The following RBMS1 variants were observed in gnomAD, a reference collection of about 807,000 sequenced individuals.
RBMS1 encodes RNA-binding motif, single-stranded-interacting protein 1.
In RBMS1, 17 loss-of-function variants were observed where a neutral mutation model predicts 62.3. That is an observed-to-expected ratio of 0.27 (90% CI 0.19 to 0.41). RBMS1 has a LOEUF of 0.41. RBMS1 is among the 10% of genes least tolerant of loss of function. The pLI is 1.00. For missense variants in RBMS1, 334 were observed against 504.5 expected, an observed-to-expected ratio of 0.66 and a Z score of 3.24; for synonymous variants, 172 against 170.0, an observed-to-expected ratio of 1.01 and a Z score of -0.09.
At chr2:160,416,722 T>A (rs1696226685) in intron 1 of RBMS1, among the ~76,000 whole-genome samples, 1 of 152,140 alleles carries the variant, frequency 6.6e-6, no homozygotes, top group Non-Finnish European at 1.5e-5. Context: ...TAAGGGCCGG[T>A]CCTTGTAATT....
intron 7 of RBMS1, among the ~76,000 whole-genome samples, chr2:160,286,325 G>GT (rs1204094882): frequency 0.028 from 3,611 of 128,714 alleles, 177 homozygotes; most frequent in African/African-American, 0.09. Flanking sequence ...TTTTTATTTT[G>GT]TTTTTTTTTT....
At chr2:160,416,888 C>T (rs1158184279) in intron 1 of RBMS1, among the ~76,000 whole-genome samples, 1 of 152,112 alleles carries the variant, frequency 6.6e-6, no homozygotes, top group Non-Finnish European at 1.5e-5. Context: ...AATCTGAAAC[C>T]ATCCATCATA....
chr2:160,278,537 T>C lies in RBMS1; in HGVS notation c.1062+11A>G. 6.2e-7 allele frequency: 1 copy of C among 1,600,870 alleles called. No homozygotes were observed. Among genetic ancestry groups the C allele is most frequent in the Non-Finnish European group, 8.6e-7 (1 of 1,168,940 alleles). ...GTTTACAGAGACACATGATAATTATTTGCCACCTACTGTTCCGGTGCTGCC... is the reference window on the plus strand; with the variant it reads ...GTTTACAGAGACACATGATAATTATCTGCCACCTACTGTTCCGGTGCTGCC... On this transcript the variant is annotated intron_variant, in intron 11 of 13. Transcript: ENST00000348849.
intron 1 of RBMS1, among the ~76,000 whole-genome samples, chr2:160,444,497 T>C (rs1683556449): frequency 6.6e-6 from 1 of 152,230 alleles, no homozygotes; most frequent in Admixed American, 6.5e-5. Flanking sequence ...TTCAACATGA[T>C]AAAGCTGTGA....
rs1338551702 is a variant in RBMS1 at position 160,493,524 on chromosome 2, C to CTCCTCCTCCTCCTCCTCT, written c.-179_-162dup. The stretch of plus-strand genomic sequence containing the variant: ...CACCTCCCAGCCGGGACCAGACGTC[C>CTCCTCCTCCTCCTCCTCT]TCCTCCTCCTCCTCCTCTTCCTCCT... On this transcript the variant is annotated 5_prime_UTR_variant, in exon 1 of 14. Coordinates refer to ENST00000348849, the MANE Select transcript of RBMS1 (RefSeq NM_016836.4). The CTCCTCCTCCTCCTCCTCT allele has an allele frequency of 5.4e-5, 28 of 515,220 alleles. No homozygotes were observed. The highest frequency in any genetic ancestry group is 6.3e-5 in the African/African-American group (3 of 47,652). 31.9% of individuals were successfully genotyped at this position (515,220 alleles called of 1,614,324 possible).
intron 1 of RBMS1, among the ~76,000 whole-genome samples, chr2:160,386,466 G>A (rs1037410166): frequency 1.3e-5 from 2 of 152,000 alleles, no homozygotes; most frequent in Admixed American, 1.3e-4. Context: ...AACCCAGGAG[G>A]CGGAGGTTGC....
chr2:160,274,995 G>C (rs1687755199), intron 13 of RBMS1, among the ~76,000 whole-genome samples: 1 of 152,038 alleles, frequency 6.6e-6, no homozygotes, highest in Non-Finnish European at 1.5e-5. Context: ...AATTCATTTG[G>C]GTCTCTAAAG....
intron 2 of RBMS1, among the ~76,000 whole-genome samples, chr2:160,324,905 T>TATATATATAC (rs1553508414): frequency 2.4e-4 from 29 of 118,702 alleles, no homozygotes; most frequent in Admixed American, 7.2e-4. Context: ...TATATATATA[T>TATATATATAC]ATACACACAC....
intron 1 of RBMS1, among the ~76,000 whole-genome samples, chr2:160,382,198 G>A (rs1322128408): frequency 6.6e-6 from 1 of 152,190 alleles, no homozygotes; most frequent in African/African-American, 2.4e-5. Flanking sequence ...TAAGGAGGTG[G>A]GTGAAGTTGG....
At chr2:160,466,724 C>T (rs1684710790) in intron 1 of RBMS1, among the ~76,000 whole-genome samples, 1 of 152,036 alleles carries the variant, frequency 6.6e-6, no homozygotes, top group South Asian at 2.1e-4. Flanking sequence ...TTAAGTGAAC[C>T]TAAAAGGAGA....
At chr2:160,347,710 G>A (rs1175535626) in intron 2 of RBMS1, among the ~76,000 whole-genome samples, 1 of 151,990 alleles carries the variant, frequency 6.6e-6, no homozygotes, top group South Asian at 2.1e-4. Flanking sequence ...CATTTTTACT[G>A]ATCTCTAACA....
chr2:160,398,847 C>A (rs928420281), intron 1 of RBMS1, among the ~76,000 whole-genome samples: 1 of 152,188 alleles, frequency 6.6e-6, no homozygotes, highest in African/African-American at 2.4e-5. Flanking sequence ...CCCTCCCCAT[C>A]CAGCCAGTCA....
At chr2:160,343,948 A>T (rs1692033614) in intron 2 of RBMS1, among the ~76,000 whole-genome samples, 2 of 152,178 alleles carry the variant, frequency 1.3e-5, no homozygotes, top group Non-Finnish European at 2.9e-5. Context: ...AATATGTTTT[A>T]AATAAACATA....
At chr2:160,427,472 T>G (rs1388717901) in intron 1 of RBMS1, among the ~76,000 whole-genome samples, 1 of 152,106 alleles carries the variant, frequency 6.6e-6, no homozygotes, top group Non-Finnish European at 1.5e-5. Flanking sequence ...TTAAAAAAAT[T>G]GTTAAAGCCT....
rs200035352 is a variant in RBMS1 at position 160,284,987 on chromosome 2, C to T, written c.806+8G>A. The T allele has an allele frequency of 1.4e-4, 226 of 1,611,356 alleles. 1 individual carries two copies. The highest frequency in any genetic ancestry group is 6.6e-4 in the Middle Eastern group (4 of 6,082). ...TCAAGCCATTATGGATTTATTTTAACGACATACCCGTTCTGTATAGCAGCT... is the reference window on the plus strand; with the variant it reads ...TCAAGCCATTATGGATTTATTTTAATGACATACCCGTTCTGTATAGCAGCT... On this transcript the variant is annotated splice_region_variant and intron_variant, in intron 8 of 13. Transcript: ENST00000348849.
chr2:160,349,810 T>C (rs933296826), intron 2 of RBMS1, among the ~76,000 whole-genome samples: 4 of 115,868 alleles, frequency 3.5e-5, no homozygotes, highest in Admixed American at 1.2e-4. Context: ...ATTATGACAA[T>C]AGCACAAGCA....
chr2:160,365,189 C>T (rs1189683895), intron 2 of RBMS1, among the ~76,000 whole-genome samples: 2 of 152,174 alleles, frequency 1.3e-5, no homozygotes, highest in Non-Finnish European at 1.5e-5. Context: ...TTGGTATTTA[C>T]TAGATTCTCT....
At chr2:160,450,144 C>T (rs1683902709) in intron 1 of RBMS1, among the ~76,000 whole-genome samples, 1 of 152,194 alleles carries the variant, frequency 6.6e-6, no homozygotes, top group African/African-American at 2.4e-5. Context: ...TGCTGTATAC[C>T]AGGCACAGAG....
At chr2:160,406,343 C>G (rs1004570772) in intron 1 of RBMS1, among the ~76,000 whole-genome samples, 10 of 152,218 alleles carry the variant, frequency 6.6e-5, no homozygotes, top group African/African-American at 1.4e-4. Context: ...AAGACCTAAA[C>G]ATAATCAATA....
Sources: allele counts gnomAD v4.1 joint callset (sites outside exome capture counted in the v4.1 genomes callset), GRCh38; gene constraint gnomAD v4.1.1; transcripts MANE v1.5; gene names NCBI Gene and HGNC (gene_info 2026-07-23, HGNC 2026-07-21).